RNF32: variants seen among roughly 807,000 people sequenced by gnomAD.
The protein encoded by RNF32 is ring finger protein 32.
Under a neutral mutation model 41.0 loss-of-function variants are expected in RNF32, and 36 were observed. That is an observed-to-expected ratio of 0.88 (90% CI 0.67 to 1.16). RNF32 has a LOEUF of 1.16. Among genes scored for constraint, RNF32 ranks in the 50% most tolerant of loss-of-function variants. The probability of loss-of-function intolerance (pLI) is 0.00; values close to 1 mark genes in which losing one functional copy is unlikely to be tolerated. For synonymous variants in RNF32, 154 were observed against 160.9 expected (o/e 0.96, Z 0.32); for missense variants, 413 against 436.7 (o/e 0.95, Z 0.48).
chr7:156,674,623 A>AAAC (rs1803384539), intron 7 of RNF32, among the ~76,000 whole-genome samples: 2 of 152,148 alleles, frequency 1.3e-5, no homozygotes, highest in Non-Finnish European at 2.9e-5. Flanking sequence ...CTGAGTGAGC[A>AAAC]TTGATGGCCC....
chr7:156,669,980 A>C lies in RNF32; in HGVS notation c.685-5716A>C, dbSNP rs1460912036. ...ATGGGAAAGTGCCATCCAAGTACTAAAAGTATAAAGCTGTATGTACTTCTG... is the reference window on the plus strand; with the variant it reads ...ATGGGAAAGTGCCATCCAAGTACTACAAGTATAAAGCTGTATGTACTTCTG... On this transcript the variant is annotated intron_variant, in intron 7 of 8. Coordinates refer to ENST00000317955, the MANE Select transcript of RNF32 (RefSeq NM_030936.4). The surrounding 1 kb of genome is among the most constrained non-coding windows in gnomAD (Gnocchi z 4.2). 2.0e-5 allele frequency among the ~76,000 whole-genome samples: 3 copies of C among 152,214 alleles called. No individual in the cohort carries two copies. Among genetic ancestry groups the C allele is most frequent in the African/African-American group, 4.8e-5 (2 of 41,456 alleles).
chr7:156,670,261 C>G lies in RNF32; in HGVS notation c.685-5435C>G, dbSNP rs1802183474. On this transcript the variant is annotated intron_variant, in intron 7 of 8. Coordinates refer to ENST00000317955, the MANE Select transcript of RNF32 (RefSeq NM_030936.4). This position sits in a 1 kb window ranked among gnomAD's most constrained non-coding sequence, Gnocchi z 4.3. ...AGCTGGATGCTAAGCACGGCTGGCT[C>G]TACTGTTTTGACTTTGGCTCTTGAT... Among the ~76,000 whole-genome samples the G allele has an allele frequency of 6.6e-6, 1 of 152,186 alleles. No homozygotes were observed. The highest frequency in any genetic ancestry group is 2.1e-4 in the South Asian group (1 of 4,830).
At chr7:156,651,949 G>T (rs187132284) in intron 3 of RNF32, among the ~76,000 whole-genome samples, 2 of 152,066 alleles carry the variant, frequency 1.3e-5, no homozygotes. Context: ...GCAGCATCCC[G>T]GGACCCTGGG....
intron 1 of RNF32, among the ~76,000 whole-genome samples, chr7:156,642,015 A>C (rs189700183): frequency 8.7e-4 from 133 of 152,320 alleles, no homozygotes; most frequent in South Asian, 4.4e-3. Context: ...GTGCTTTTCT[A>C]TCTCTCCACT....
At chr7:156,663,447 T>C (rs963584832) in intron 7 of RNF32, among the ~76,000 whole-genome samples, 1 of 151,948 alleles carries the variant, frequency 6.6e-6, no homozygotes, top group African/African-American at 2.4e-5. Flanking sequence ...TAAGAAAAAA[T>C]TTTTTCTGAT....
At chr7:156,666,488 T>C (rs1405878872) in intron 7 of RNF32, among the ~76,000 whole-genome samples, 7 of 152,208 alleles carry the variant, frequency 4.6e-5, no homozygotes, top group Admixed American at 3.9e-4. Context: ...ACAGCAGTGA[T>C]GTCGTGCTAC....
At chr7:156,674,226 G>C (rs76505823) in intron 7 of RNF32, among the ~76,000 whole-genome samples, 2 of 152,168 alleles carry the variant, frequency 1.3e-5, no homozygotes, top group South Asian at 2.1e-4. Flanking sequence ...TGTGGGGCTC[G>C]GGAACTGTCT....
chr7:156,658,350 C>T, intron 6 of RNF32, 98 bp downstream of exon 6: 3 of 1,560,310 alleles, frequency 1.9e-6, no homozygotes, highest in South Asian at 1.2e-5. Flanking sequence ...CTCTTCTTGG[C>T]CACCATAATT....
chr7:156,659,906 C>T (rs1320528950), intron 7 of RNF32: 2 of 985,314 alleles, frequency 2.0e-6, no homozygotes, highest in African/African-American at 1.7e-5. Context: ...CAAGAGCAGT[C>T]GGGGCAGGGA....
chr7:156,660,370 G>A, intron 7 of RNF32: 8 of 884,308 alleles, frequency 9.0e-6, no homozygotes, highest in Non-Finnish European at 1.1e-5. Context: ...TTACAAATGT[G>A]GTTTTTCCTT....
At chr7:156,666,708 T>C (rs1323699418) in intron 7 of RNF32, among the ~76,000 whole-genome samples, 1 of 152,210 alleles carries the variant, frequency 6.6e-6, no homozygotes, top group African/African-American at 2.4e-5. Context: ...CAAAGAGGCC[T>C]GGAAAGGTCA....
At chr7:156,646,175 T>C (rs1361434091) in intron 3 of RNF32, among the ~76,000 whole-genome samples, 1 of 152,248 alleles carries the variant, frequency 6.6e-6, no homozygotes, top group African/African-American at 2.4e-5. Context: ...TAATTGTAAA[T>C]GCTGTTTTTA....
At chr7:156,663,114 G>GT (rs1447079354) in intron 7 of RNF32, among the ~76,000 whole-genome samples, 1 of 152,098 alleles carries the variant, frequency 6.6e-6, no homozygotes, top group East Asian at 1.9e-4. Context: ...GATTACAGGC[G>GT]TGAGCCACTG....
intron 7 of RNF32, among the ~76,000 whole-genome samples, chr7:156,661,181 C>A (rs1224935789): frequency 7.4e-5 from 11 of 148,034 alleles, no homozygotes; most frequent in Admixed American, 6.7e-4. Flanking sequence ...ATACTGGTCA[C>A]TTCAGCTTAA....
At chr7:156,672,652 A>C (rs1427205363) in intron 7 of RNF32, among the ~76,000 whole-genome samples, 2 of 152,212 alleles carry the variant, frequency 1.3e-5, no homozygotes, top group South Asian at 2.1e-4. Context: ...CTGTAGAGAG[A>C]GCGATACACT....
At chr7:156,651,465 C>T (rs1365547473) in intron 3 of RNF32, among the ~76,000 whole-genome samples, 1 of 152,120 alleles carries the variant, frequency 6.6e-6, no homozygotes, top group Non-Finnish European at 1.5e-5. Flanking sequence ...CCACCCACCT[C>T]GGCCTCCCAA....
At chr7:156,651,861 G>A (rs1335376099) in intron 3 of RNF32, among the ~76,000 whole-genome samples, 1 of 152,086 alleles carries the variant, frequency 6.6e-6, no homozygotes, top group Non-Finnish European at 1.5e-5. Context: ...ATATACCAGG[G>A]CACTTTATCA....
At chr7:156,659,034 G>A in intron 7 of RNF32, 1 of 1,416,342 alleles carries the variant, frequency 7.1e-7, no homozygotes, top group South Asian at 1.7e-5. Context: ...GAGCTTTAGA[G>A]CTAACTTCCA....
At chr7:156,658,960 G>A in intron 7 of RNF32, 1 of 1,517,480 alleles carries the variant, frequency 6.6e-7, no homozygotes, top group Non-Finnish European at 8.8e-7. Flanking sequence ...AATAGAAGCT[G>A]CCTATAAAAA....
Sources: allele counts gnomAD v4.1 joint callset (sites outside exome capture counted in the v4.1 genomes callset), GRCh38; gene constraint gnomAD v4.1.1; non-coding constraint Gnocchi (gnomAD v3.1); transcripts MANE v1.5; gene names NCBI Gene and HGNC (gene_info 2026-07-23, HGNC 2026-07-21).